DDX17: variants seen among roughly 807,000 people sequenced by gnomAD.
DDX17 encodes DEAD-box helicase 17, also known as probable ATP-dependent RNA helicase DDX17.
In DDX17, 10 loss-of-function variants were observed where a neutral mutation model predicts 80.8. That is an observed-to-expected ratio of 0.12 (90% CI 0.08 to 0.21). DDX17 has a LOEUF of 0.21. DDX17 is among the 10% of genes least tolerant of loss of function. DDX17 has a pLI of 1.00. For synonymous variants in DDX17, 339 were observed against 336.2 expected (o/e 1.01, Z -0.09); for missense variants, 586 against 957.4 (o/e 0.61, Z 5.12).
chr22:38,494,713 G>A lies in DDX17; in HGVS notation c.1131C>T (p.Ile377=). The change falls in exon 8 of 13, where the codon ATC becomes ATT. Residue 377 remains isoleucine, a synonymous_variant. Coordinates refer to ENST00000403230, the MANE Select transcript of DDX17 (RefSeq NM_006386.5). ...CACTCAACTCCAGATTGCCTACGTT[G>A]ATCTGGGTGTAATCACGAAGGAAAT... 6.2e-7 allele frequency: 1 copy of A among 1,614,154 alleles called. No individual in the cohort carries two copies. The highest frequency in any genetic ancestry group is 8.5e-7 in the Non-Finnish European group (1 of 1,179,996).
intron 2 of DDX17, among the ~76,000 whole-genome samples, chr22:38,500,883 C>T (rs1282465108): frequency 7.2e-6 from 1 of 138,674 alleles, no homozygotes; most frequent in Non-Finnish European, 1.5e-5. Flanking sequence ...GTAATCCTAG[C>T]ACTTTGAAAA....
At chr22:38,488,994 G>T in intron 11 of DDX17, 1 of 985,334 alleles carries the variant, frequency 1.0e-6, no homozygotes, top group South Asian at 4.7e-5. Context: ...CTACTGCTGG[G>T]AATTGGGCTG....
chr22:38,495,158 C>A, intron 6 of DDX17, 112 bp from the exon 7 acceptor site: 3 of 1,038,480 alleles, frequency 2.9e-6, no homozygotes, highest in Non-Finnish European at 4.1e-6. Context: ...CAGTTCACAA[C>A]CAGCCTGGTC....
intron 10 of DDX17, among the ~76,000 whole-genome samples, chr22:38,492,357 A>G (rs965681774): frequency 6.6e-6 from 1 of 152,168 alleles, no homozygotes; most frequent in Non-Finnish European, 1.5e-5. Flanking sequence ...TATGAGCTAG[A>G]TTTTTTTCCC....
chr22:38,489,704 G>A lies in DDX17; in HGVS notation c.1448-1589C>T, dbSNP rs367690704. On this transcript the variant is annotated intron_variant, in intron 11 of 12. Transcript: ENST00000403230. This position sits in a 1 kb window ranked among gnomAD's most constrained non-coding sequence, Gnocchi z 4.6. Reference sequence around the variant, plus strand: ...TTTCTTATTACAATAAAGGCTCCTCGGTCTTTACTGACCCCTAAAGTCCTG... The same window carrying A: ...TTTCTTATTACAATAAAGGCTCCTCAGTCTTTACTGACCCCTAAAGTCCTG... 89 of 985,138 alleles carry A rather than the reference G, an allele frequency of 9.0e-5. 1 individual carries two copies. The African/African-American group carries it at 1.1e-3, about 12-fold the overall frequency. The allele number at this position is 985,138 out of a possible 1,614,324, so 61.0% of individuals were successfully genotyped here.
intron 12 of DDX17, 34 bp downstream of exon 12, chr22:38,487,845 G>A (rs2089675775): frequency 4.3e-6 from 7 of 1,611,976 alleles, no homozygotes; most frequent in Middle Eastern, 1.8e-4. Flanking sequence ...AGATACCTTG[G>A]CAGTACCTGG....
chr22:38,495,113 C>T (rs1411084496), intron 6 of DDX17, 67 bp from the exon 7 acceptor site: 22 of 1,511,806 alleles, frequency 1.5e-5, no homozygotes, highest in African/African-American at 1.2e-4. Context: ...TGTTCTAGCA[C>T]TTTGGGAAGA....
intron 9 of DDX17, 28 bp from the exon 10 acceptor site, chr22:38,493,799 T>A: frequency 1.2e-6 from 2 of 1,602,978 alleles, no homozygotes; most frequent in Non-Finnish European, 8.5e-7. Context: ...ACCAATATTT[T>A]AAAAATCTTT....
At chr22:38,491,310 G>C (rs376278445) in intron 11 of DDX17, 2 of 152,118 alleles carry the variant, frequency 1.3e-5, no homozygotes, top group Non-Finnish European at 2.9e-5. Context: ...ATAATTTAAG[G>C]ATTTCCTTGT....
In DDX17 at chr22:38,495,860, T is replaced by C. The variant is rs1393078888; in HGVS notation, c.816A>G (p.Arg272=). ...CTCCATAAATACAAGTACTCTTCAA[T>C]CTAGAACATTTGCCATAGTCATCGG... The change falls in exon 6 of 13, where the codon AGA becomes AGG. Residue 272 remains arginine, a synonymous_variant. Coordinates refer to ENST00000403230, the MANE Select transcript of DDX17 (RefSeq NM_006386.5). The C allele has an allele frequency of 6.2e-6, 10 of 1,612,306 alleles. No individual in the cohort carries two copies. The highest frequency in any genetic ancestry group is 2.2e-5 in the East Asian group (1 of 44,808).
chr22:38,489,123 G>GA lies in DDX17; in HGVS notation c.1448-1009dup, dbSNP rs1420857386. ...TAACAAAGAATCCTACTGTTTTGTGGAAAAAAATCTGCATTTTACAAAGAA... is the reference window on the plus strand; with the variant it reads ...TAACAAAGAATCCTACTGTTTTGTGGAAAAAAAATCTGCATTTTACAAAGAA... On this transcript the variant is annotated intron_variant, in intron 11 of 12. Coordinates refer to ENST00000403230, the MANE Select transcript of DDX17 (RefSeq NM_006386.5). This position sits in a 1 kb window ranked among gnomAD's most constrained non-coding sequence, Gnocchi z 4.6. 1.9e-5 allele frequency: 19 copies of GA among 984,290 alleles called. No homozygotes were observed. Among genetic ancestry groups the GA allele is most frequent in the Admixed American group, 6.2e-5 (1 of 16,230 alleles). The allele number at this position is 984,290 out of a possible 1,614,324, so 61.0% of individuals were successfully genotyped here.
intron 3 of DDX17, among the ~76,000 whole-genome samples, chr22:38,498,776 T>C (rs1448888549): frequency 6.6e-6 from 1 of 152,110 alleles, no homozygotes; most frequent in Non-Finnish European, 1.5e-5. Context: ...TGTAATCCCA[T>C]CACTTTGGGA....
Position 38,485,830 on chromosome 22 carries a change from A to AT in DDX17, c.*104_*105insA. ...GGGGGGAAAAATTAAAAAAAAAAAA[A>AT]GAAAAAAGGAAAAAAAAAGAAAAGG... On this transcript the variant is annotated 3_prime_UTR_variant, in exon 13 of 13. Coordinates refer to ENST00000403230, the MANE Select transcript of DDX17 (RefSeq NM_006386.5). The AT allele has an allele frequency of 1.4e-6, 2 of 1,398,378 alleles. No individual in the cohort carries two copies. The highest frequency in any genetic ancestry group is 1.9e-6 in the Non-Finnish European group (2 of 1,074,946). The allele number at this position is 1,398,378 out of a possible 1,614,324, so 86.6% of individuals were successfully genotyped here.
chr22:38,498,890 T>C (rs2089797491), intron 3 of DDX17, among the ~76,000 whole-genome samples: 1 of 152,078 alleles, frequency 6.6e-6, no homozygotes, highest in East Asian at 1.9e-4. Context: ...TGGTGGGCCC[T>C]TGTAATTCCA....
chr22:38,496,277 A>T (rs1400823338), intron 5 of DDX17, among the ~76,000 whole-genome samples: 1 of 152,196 alleles, frequency 6.6e-6, no homozygotes, highest in African/African-American at 2.4e-5. Flanking sequence ...CAGGTTGAGC[A>T]TCCTAAACCC....
chr22:38,494,440 A>C (rs2089741780), intron 8 of DDX17, 190 bp downstream of exon 8: 1 of 673,778 alleles, frequency 1.5e-6, no homozygotes, highest in Admixed American at 3.2e-5. Flanking sequence ...TTTCAAACTC[A>C]AGAATTCAGA....
chr22:38,504,586 T>G (rs2089861315), intron 1 of DDX17, among the ~76,000 whole-genome samples: 1 of 152,170 alleles, frequency 6.6e-6, no homozygotes, highest in Admixed American at 6.6e-5. Flanking sequence ...CCTCTCATCC[T>G]CTAAACAATG....
At chr22:38,498,202 TTAGA>T (rs1396600697) in intron 4 of DDX17, 52 bp from the exon 5 acceptor site, 5 of 1,577,076 alleles carry the variant, frequency 3.2e-6, no homozygotes, top group Non-Finnish European at 4.3e-6. Context: ...ACAATCTTAC[TTAGA>T]TACTTAGTAA....
intron 5 of DDX17, among the ~76,000 whole-genome samples, chr22:38,497,375 G>T (rs529567641): frequency 7.7e-4 from 110 of 142,018 alleles, no homozygotes; most frequent in African/African-American, 2.8e-3. Flanking sequence ...CCAGCACCTT[G>T]GGGAGGCCGA....
Sources: allele counts gnomAD v4.1 joint callset (sites outside exome capture counted in the v4.1 genomes callset), GRCh38; gene constraint gnomAD v4.1.1; non-coding constraint Gnocchi (gnomAD v3.1); transcripts MANE v1.5; gene names NCBI Gene and HGNC (gene_info 2026-07-23, HGNC 2026-07-21).